FAM81B: variants seen among roughly 807,000 people sequenced by gnomAD.
FAM81B encodes family with sequence similarity 81 member B.
Under a neutral mutation model 58.7 loss-of-function variants are expected in FAM81B, and 60 were observed. The observed-to-expected ratio is 1.02, with a 90% CI of 0.83 to 1.27. The LOEUF is 1.27. Among genes scored for constraint, FAM81B ranks in the 50% most tolerant of loss-of-function variants. The pLI is 0.00. For missense variants in FAM81B, 491 were observed against 522.0 expected (o/e 0.94, Z 0.58); for synonymous variants, 189 against 179.6 (o/e 1.05, Z -0.42).
At chr5:95,440,590 T>A in intron 7 of FAM81B, 1 of 633,022 alleles carries the variant, frequency 1.6e-6, no homozygotes, top group Middle Eastern at 3.9e-4. Context: ...ATAGAAGAGC[T>A]CAGAGAGCTA....
chr5:95,447,199 G>C (rs1745609094), intron 8 of FAM81B, among the ~76,000 whole-genome samples: 1 of 152,176 alleles, frequency 6.6e-6, no homozygotes, highest in Non-Finnish European at 1.5e-5. Flanking sequence ...TATTTCAGGG[G>C]TCCCCTCTCC....
chr5:95,415,716 A>G lies in FAM81B; in HGVS notation c.537+1526A>G, dbSNP rs538283974. 2.6e-5 allele frequency among the ~76,000 whole-genome samples: 4 copies of G among 152,336 alleles called. No homozygotes were observed. The East Asian group carries it at 5.8e-4, about 22-fold the overall frequency. ...AGTCAAAACTTCTTGGTAATTGAAA[A>G]AGCCAACAACATTCTTAGAAACATT... On this transcript the variant is annotated intron_variant, in intron 4 of 9. Transcript: ENST00000283357.
intron 3 of FAM81B, among the ~76,000 whole-genome samples, chr5:95,404,380 C>A (rs1341794502): frequency 1.3e-5 from 2 of 151,896 alleles, no homozygotes; most frequent in African/African-American, 4.8e-5. Flanking sequence ...CTCACAAAAC[C>A]CCTTGGCAAA....
chr5:95,414,062 G>A lies in FAM81B; in HGVS notation c.409G>A (p.Glu137Lys). The A allele has an allele frequency of 6.2e-7, 1 of 1,614,030 alleles. No individual in the cohort carries two copies. The highest frequency in any genetic ancestry group is 8.5e-7 in the Non-Finnish European group (1 of 1,179,984). ...TCTTGAACAAGCCTTCCGCATCAAG[G>A]AGGACATCTCTGCTTGCCTGCAGGG... The part of the protein sequence containing the change: ...FLLEQAFRIK[E>K]DISACLQGTH... Residue 137 changes from glutamate (E) to lysine (K), a missense_variant, in exon 4 of 10, where the codon GAG becomes AAG. Transcript: ENST00000283357.
rs1424174541 is a variant in FAM81B, at chr5:95,395,209, G to A, written c.229-902G>A. 2.0e-5 allele frequency among the ~76,000 whole-genome samples: 3 copies of A among 152,034 alleles called. No individual in the cohort carries two copies. The South Asian group carries it at 6.2e-4, about 31-fold the overall frequency. On this transcript the variant is annotated intron_variant, in intron 2 of 9. Coordinates refer to ENST00000283357, the MANE Select transcript of FAM81B (RefSeq NM_152548.3). ...AATCCCAGCACTTCGGGAGGCTGAG[G>A]CAGGCGGATCACAAGGTCAGGAGAT...
chr5:95,415,971 T>TA (rs930730972), intron 4 of FAM81B, among the ~76,000 whole-genome samples: 12 of 152,202 alleles, frequency 7.9e-5, no homozygotes, highest in African/African-American at 2.6e-4. Flanking sequence ...ATTAGCTCTC[T>TA]AAAAAAAGAC....
intron 5 of FAM81B, chr5:95,424,242 A>G (rs528620971): frequency 3.9e-6 from 5 of 1,286,872 alleles, no homozygotes; most frequent in South Asian, 1.2e-5. Flanking sequence ...GCAGTCATGC[A>G]TATGAATCAC....
At chr5:95,393,721 C>T (rs1761891083) in intron 2 of FAM81B, among the ~76,000 whole-genome samples, 1 of 152,116 alleles carries the variant, frequency 6.6e-6, no homozygotes, top group Admixed American at 6.5e-5. Flanking sequence ...CTAATGTCAT[C>T]CTTACACTAA....
At chr5:95,445,861 T>G (rs1383402381) in intron 7 of FAM81B, among the ~76,000 whole-genome samples, 2 of 152,172 alleles carry the variant, frequency 1.3e-5, no homozygotes, top group African/African-American at 2.4e-5. Flanking sequence ...TGCTAGACAA[T>G]GCAGGTCCTC....
chr5:95,398,423 T>A (rs1307519332), intron 3 of FAM81B, among the ~76,000 whole-genome samples: 1 of 120,530 alleles, frequency 8.3e-6, no homozygotes, highest in Non-Finnish European at 1.8e-5. Flanking sequence ...AATCTCTAAA[T>A]AAATAAATAA....
chr5:95,442,177 G>A (rs1361373872), intron 7 of FAM81B, among the ~76,000 whole-genome samples: 5 of 152,102 alleles, frequency 3.3e-5, no homozygotes, highest in Non-Finnish European at 7.4e-5. Flanking sequence ...ATGAATGAAC[G>A]ATTTTTGAGC....
At chr5:95,423,339 T>G (rs935126655) in intron 5 of FAM81B, among the ~76,000 whole-genome samples, 1 of 152,120 alleles carries the variant, frequency 6.6e-6, no homozygotes, top group Non-Finnish European at 1.5e-5. Flanking sequence ...CCCTGTCCTT[T>G]ATTTAATAGA....
chr5:95,419,217 G>C (rs1463325581), intron 4 of FAM81B, among the ~76,000 whole-genome samples: 4 of 152,154 alleles, frequency 2.6e-5, no homozygotes, highest in African/African-American at 9.7e-5. Context: ...CTCAATCCCA[G>C]TTAAAAAATG....
Position 95,414,177 on chromosome 5 carries a change from G to T in FAM81B, c.524G>T (p.Ser175Ile), listed in dbSNP as rs1172129627. 1 of 1,610,424 alleles carries T rather than the reference G, an allele frequency of 6.2e-7. No individual in the cohort carries two copies. Among genetic ancestry groups the T allele is most frequent in the South Asian group, 1.1e-5 (1 of 90,290 alleles). Residue 175 changes from serine (S) to isoleucine (I), a missense_variant, in exon 4 of 10, where the codon AGC (serine) becomes ATC (isoleucine). By Grantham distance (142) the Ser-to-Ile change is moderately radical. Transcript: ENST00000283357. Reference protein sequence around the residue: ...QTITSIVKKLSQNIEILEDQI... With the variant: ...QTITSIVKKLIQNIEILEDQI... ...ATCACCAGCATCGTCAAAAAACTCA[G>T]CCAAAATATTGAGGTAGTTCTCTTT... is the stretch of plus-strand genomic sequence containing the variant.
chr5:95,423,646 G>A (rs1257291716), intron 5 of FAM81B, among the ~76,000 whole-genome samples: 2 of 151,864 alleles, frequency 1.3e-5, no homozygotes, highest in Non-Finnish European at 2.9e-5. Context: ...ATTATGACAG[G>A]CCTGGTCAGA....
intron 7 of FAM81B, among the ~76,000 whole-genome samples, chr5:95,443,635 A>G (rs1461045729): frequency 6.8e-6 from 1 of 147,588 alleles, no homozygotes; most frequent in East Asian, 2.2e-4. Flanking sequence ...AAGCTTATGC[A>G]AAGAAAAAGA....
intron 3 of FAM81B, among the ~76,000 whole-genome samples, chr5:95,405,441 A>G (rs1005710118): frequency 5.9e-5 from 9 of 151,860 alleles, no homozygotes; most frequent in African/African-American, 2.2e-4. Flanking sequence ...TTTCAATTAT[A>G]TTTTCCATAC....
rs1561319071 is a variant in FAM81B, at chr5:95,450,187, C to A, written c.1264C>A (p.Gln422Lys). 1 of 1,613,114 alleles carries A rather than the reference C, an allele frequency of 6.2e-7. No individual in the cohort carries two copies. Among genetic ancestry groups the A allele is most frequent in the East Asian group, 2.2e-5 (1 of 44,738 alleles). Residue 422 changes from glutamine (Q) to lysine (K), a missense_variant, in exon 10 of 10, where the codon CAA becomes AAA. Coordinates refer to ENST00000283357, the MANE Select transcript of FAM81B (RefSeq NM_152548.3). ...TCATGACTCTCTCAGCTCCCTCCAA[C>A]AAATACAGAAAACAAAGATGGATTT... ...SIHDSLSSLQQIQKTKMDLEK... is the reference protein window; with the variant it reads ...SIHDSLSSLQKIQKTKMDLEK...
intron 2 of FAM81B, among the ~76,000 whole-genome samples, chr5:95,395,400 G>A (rs2560264): frequency 0.35 from 49,672 of 141,592 alleles, 8,585 homozygotes; most frequent in Middle Eastern, 0.46. Flanking sequence ...TGGAGATTGC[G>A]CCACTGCACT....
Sources: allele counts gnomAD v4.1 joint callset (sites outside exome capture counted in the v4.1 genomes callset), GRCh38; gene constraint gnomAD v4.1.1; transcripts MANE v1.5; gene names NCBI Gene and HGNC (gene_info 2026-07-23, HGNC 2026-07-21).